Variants in OTUD7A observed in about 807,000 individuals in gnomAD.
OTUD7A encodes OTU domain-containing protein 7A.
OTUD7A carries 12 observed loss-of-function variants against 65.7 expected under a neutral mutation model. That is an observed-to-expected ratio of 0.18 (90% CI 0.12 to 0.30). The LOEUF (loss-of-function observed/expected upper bound fraction) is 0.30. OTUD7A is among the 10% of genes least tolerant of loss of function. The pLI is 1.00. For missense variants in OTUD7A, 1,148 were observed against 1,304.8 expected, an observed-to-expected ratio of 0.88 and a Z score of 1.85; for synonymous variants, 641 against 586.3, an observed-to-expected ratio of 1.09 and a Z score of -1.35.
chr15:31,819,510 A>G (rs1265593427), intron 1 of OTUD7A, among the ~76,000 whole-genome samples: 3 of 152,214 alleles, frequency 2.0e-5, no homozygotes, highest in Non-Finnish European at 4.4e-5. Context: ...TGTGATCTAT[A>G]TATTTGTAGA....
At chr15:31,744,484 T>TAA (rs1894424354) in intron 1 of OTUD7A, among the ~76,000 whole-genome samples, 1 of 151,716 alleles carries the variant, frequency 6.6e-6, no homozygotes, top group African/African-American at 2.4e-5. Flanking sequence ...TAAAAAAGAG[T>TAA]AAAACATTTG....
intron 1 of OTUD7A, among the ~76,000 whole-genome samples, chr15:31,705,438 TC>T (rs1223366624): frequency 6.7e-6 from 1 of 149,348 alleles, no homozygotes; most frequent in Non-Finnish European, 1.5e-5. Flanking sequence ...TAGTCTATAC[TC>T]ACTGTCCCAT....
intron 1 of OTUD7A, among the ~76,000 whole-genome samples, chr15:31,674,343 C>T (rs1892549698): frequency 6.6e-6 from 1 of 152,112 alleles, no homozygotes; most frequent in South Asian, 2.1e-4. Flanking sequence ...GTTATGAGGC[C>T]AGTGGGAGGC....
At chr15:31,808,131 ACACAC>A (rs1896323172) in intron 1 of OTUD7A, among the ~76,000 whole-genome samples, 2 of 115,480 alleles carry the variant, frequency 1.7e-5, no homozygotes, top group Middle Eastern at 4.4e-3. Flanking sequence ...ACACACACAC[ACACAC>A]AAACAAATCC....
chr15:31,659,059 AT>A (rs1273506525), intron 1 of OTUD7A, among the ~76,000 whole-genome samples: 1 of 112,332 alleles, frequency 8.9e-6, no homozygotes, highest in African/African-American at 3.4e-5. Context: ...AAATAAATAA[AT>A]AAATAAATAA....
In OTUD7A at chr15:31,858,064, G is replaced by A. The variant is rs564839200; in HGVS notation, c.-100+12443C>T. ...TGTGTCGTGGCACTGTTGTCTTCCC[G>A]GAAAGGGCAGAACTTATTCTCCTGC... On this transcript the variant is annotated intron_variant, in intron 1 of 12. Coordinates refer to ENST00000307050, the MANE Select transcript of OTUD7A (RefSeq NM_001382637.1). Among the ~76,000 whole-genome samples the A allele has an allele frequency of 6.0e-4, 92 of 152,302 alleles. 1 individual carries two copies. In the South Asian group the frequency reaches 0.017, roughly 27 times the overall value.
At chr15:31,733,719 G>A (rs1438845260) in intron 1 of OTUD7A, among the ~76,000 whole-genome samples, 1 of 152,150 alleles carries the variant, frequency 6.6e-6, no homozygotes, top group Non-Finnish European at 1.5e-5. Context: ...TGTCACCATG[G>A]GGTCAGCTAT....
chr15:31,834,002 C>T (rs1011089354), intron 1 of OTUD7A, among the ~76,000 whole-genome samples: 3 of 152,238 alleles, frequency 2.0e-5, no homozygotes, highest in Non-Finnish European at 2.9e-5. Flanking sequence ...CGTGGAGGGC[C>T]TTCAGTTTAG....
chr15:31,821,751 T>C (rs2140973256), intron 1 of OTUD7A, among the ~76,000 whole-genome samples: 1 of 152,350 alleles, frequency 6.6e-6, no homozygotes, highest in Middle Eastern at 3.4e-3. Flanking sequence ...ATTTGATAGT[T>C]CCAATTTCTC....
chr15:31,761,495 T>C (rs2140903893), intron 1 of OTUD7A, among the ~76,000 whole-genome samples: 1 of 152,202 alleles, frequency 6.6e-6, no homozygotes, highest in African/African-American at 2.4e-5. Context: ...CCCACTAGGA[T>C]GGGTATAATA....
intron 1 of OTUD7A, among the ~76,000 whole-genome samples, chr15:31,796,204 CTAT>C (rs1895954337): frequency 7.1e-6 from 1 of 140,332 alleles, no homozygotes; most frequent in African/African-American, 2.9e-5. Context: ...ATCTATCTAT[CTAT>C]CTATCTATCT....
intron 1 of OTUD7A, among the ~76,000 whole-genome samples, chr15:31,854,519 A>G (rs1033813406): frequency 6.6e-6 from 1 of 152,062 alleles, no homozygotes; most frequent in Non-Finnish European, 1.5e-5. Context: ...CCCCACCTCC[A>G]ATGATGTCAG....
intron 5 of OTUD7A, among the ~76,000 whole-genome samples, chr15:31,532,743 C>T (rs989490351): frequency 1.3e-5 from 2 of 151,784 alleles, no homozygotes; most frequent in Non-Finnish European, 2.9e-5. Context: ...CTGGCTAACA[C>T]GGTGAAAGGT....
At position 31,483,580 on chromosome 15, in the gene OTUD7A, C is replaced by T. The variant is rs761208780; in HGVS notation, c.2516G>A (p.Gly839Glu). 6 of 1,247,372 alleles carry T rather than the reference C, an allele frequency of 4.8e-6. No homozygotes were observed. The highest frequency in any genetic ancestry group is 6.0e-6 in the Non-Finnish European group (6 of 998,248). 77.3% of individuals were successfully genotyped at this position (1,247,372 alleles called of 1,614,324 possible). A position where few individuals can be genotyped will look rare whatever the true frequency, so the allele number is the denominator to read the frequency against. Residue 839 changes from glycine (G) to glutamate (E), a missense_variant, in exon 13 of 13, where the codon GGG (glycine) becomes GAG (glutamate). Gly to Glu is a moderately conservative substitution (Grantham distance 98). Transcript: ENST00000307050. ...CGTCCCCGCCGCGCCCGGTAGGGCC[C>T]CGGGCACCGCGCGCGCCAGCGACTC... The part of the protein sequence containing the change: ...TVESLARAVP[G>E]ALPGAAGTAG...
intron 1 of OTUD7A, among the ~76,000 whole-genome samples, chr15:31,669,704 G>A (rs1362664791): frequency 1.3e-5 from 2 of 152,132 alleles, no homozygotes; most frequent in Non-Finnish European, 2.9e-5. Flanking sequence ...AGTTCAGCTG[G>A]AGACTTCCTT....
At position 31,484,628 on chromosome 15, in the gene OTUD7A, T is replaced by A. The variant is rs753602457; in HGVS notation, c.1468A>T (p.Ser490Cys). ...TTGCCGTTATTGCTGTTAGAATTGC[T>A]GCACACCGAATCGCGGTCCGAGTCC... ...SLDSDRDSVC[S>C]NSNSNNGKNG... is the part of the protein sequence containing the mutation. Residue 490 changes from serine (S) to cysteine (C), a missense_variant, in exon 13 of 13, where the codon AGC becomes TGC. Ser to Cys is a moderately radical substitution (Grantham distance 112). Coordinates refer to ENST00000307050, the MANE Select transcript of OTUD7A (RefSeq NM_001382637.1). This position sits in a 1 kb window ranked among gnomAD's most constrained non-coding sequence, Gnocchi z 4.5. The A allele has an allele frequency of 1.3e-6, 2 of 1,596,862 alleles. No individual in the cohort carries two copies. The highest frequency in any genetic ancestry group is 4.5e-5 in the East Asian group (2 of 44,314).
In OTUD7A at chr15:31,526,339, C is replaced by A; in HGVS notation, c.893+10G>T. ...AGGTGACTTCTGGGGAGAGCAGGGGCAGCACTTACCCCCCGCCCGTGCCGC... is the reference window on the plus strand; with the variant it reads ...AGGTGACTTCTGGGGAGAGCAGGGGAAGCACTTACCCCCCGCCCGTGCCGC... On this transcript the variant is annotated intron_variant, in intron 8 of 12. Transcript: ENST00000307050. 1.9e-6 allele frequency: 3 copies of A among 1,579,376 alleles called. No individual in the cohort carries two copies. Among genetic ancestry groups the A allele is most frequent in the Non-Finnish European group, 2.6e-6 (3 of 1,167,272 alleles).
intron 8 of OTUD7A, among the ~76,000 whole-genome samples, chr15:31,509,427 T>C (rs1166508486): frequency 6.6e-6 from 1 of 152,016 alleles, no homozygotes; most frequent in Non-Finnish European, 1.5e-5. Context: ...TACAGGTGCC[T>C]GCCTCCATGC....
intron 5 of OTUD7A, among the ~76,000 whole-genome samples, chr15:31,538,874 C>T (rs2141132594): frequency 6.6e-6 from 1 of 152,288 alleles, no homozygotes; most frequent in South Asian, 2.1e-4. Flanking sequence ...ATTCCTTCCT[C>T]CCTCGCTGTA....
Sources: allele counts gnomAD v4.1 joint callset (sites outside exome capture counted in the v4.1 genomes callset), GRCh38; gene constraint gnomAD v4.1.1; non-coding constraint Gnocchi (gnomAD v3.1); transcripts MANE v1.5; gene names NCBI Gene and HGNC (gene_info 2026-07-23, HGNC 2026-07-21).